Variants in TEX14 observed in about 807,000 individuals in gnomAD.
TEX14 encodes the protein inactive serine/threonine-protein kinase TEX14.
Under a neutral mutation model 178.6 loss-of-function variants are expected in TEX14, and 168 were observed. The observed-to-expected ratio is 0.94, with a 90% CI of 0.83 to 1.07. TEX14 has a LOEUF of 1.07. Among genes scored for constraint, TEX14 ranks in the 50% least tolerant of loss-of-function variants. TEX14 has a pLI of 0.00. For missense variants in TEX14, 1,730 were observed against 1,753.6 expected, an observed-to-expected ratio of 0.99 and a Z score of 0.24; for synonymous variants, 626 against 634.1, an observed-to-expected ratio of 0.99 and a Z score of 0.19.
intron 3 of TEX14, among the ~76,000 whole-genome samples, chr17:58,629,685 A>G (rs2046235403): frequency 6.6e-6 from 1 of 151,190 alleles, no homozygotes; most frequent in African/African-American, 2.4e-5. Flanking sequence ...AATACAAAAA[A>G]TTAGCCCGGC....
rs1389184666 is a variant in TEX14 at position 58,601,519 on chromosome 17, C to CT, written c.1678+286dup. 3.2e-3 allele frequency among the ~76,000 whole-genome samples: 472 copies of CT among 146,588 alleles called. 6 individuals are homozygous for CT. Among genetic ancestry groups the CT allele is most frequent in the African/African-American group, 0.012 (462 of 39,568 alleles). On this transcript the variant is annotated intron_variant, in intron 13 of 31. Coordinates refer to ENST00000349033, the MANE Select transcript of TEX14 (RefSeq NM_031272.5). Reference sequence around the variant, plus strand: ...CCTGGGCAACAGAGCAAGATTCCATCTCAAAAAAAAAAAAAAAGAAAAAAA... The same window carrying CT: ...CCTGGGCAACAGAGCAAGATTCCATCTTCAAAAAAAAAAAAAAAGAAAAAAA...
At chr17:58,652,057 A>G (rs2046850308) in intron 1 of TEX14, 55 bp from the exon 2 acceptor site, 6 of 1,413,742 alleles carry the variant, frequency 4.2e-6, no homozygotes, top group Non-Finnish European at 3.8e-6. Context: ...ATGCAAGGAA[A>G]CAACTTAATT....
At chr17:58,678,056 A>G (rs1424761214) in intron 1 of TEX14, among the ~76,000 whole-genome samples, 2 of 152,206 alleles carry the variant, frequency 1.3e-5, no homozygotes, top group African/African-American at 4.8e-5. Context: ...AGGCTGAGGC[A>G]GGAGAATTGC....
Position 58,571,909 on chromosome 17 carries a change from T to A in TEX14, c.3717+12A>T, listed in dbSNP as rs781001403. On this transcript the variant is annotated intron_variant, in intron 24 of 31. Transcript: ENST00000349033. ...ACTCCATGAGTTTGTAACGTGGAAT[T>A]GATATACTTACAAGACCAGTCAGTC... 5 of 1,611,720 alleles carry A rather than the reference T, an allele frequency of 3.1e-6. No individual in the cohort carries two copies. The highest frequency in any genetic ancestry group is 4.2e-6 in the Non-Finnish European group (5 of 1,178,368).
At chr17:58,601,629 G>A (rs1479357073) in intron 13 of TEX14, among the ~76,000 whole-genome samples, 177 bp downstream of exon 13, 1 of 152,186 alleles carries the variant, frequency 6.6e-6, no homozygotes, top group Non-Finnish European at 1.5e-5. Flanking sequence ...AGGAAGTGGA[G>A]GTTGCAGTGA....
chr17:58,602,627 A>C, intron 11 of TEX14, 37 bp from the exon 12 acceptor site: 1 of 1,562,938 alleles, frequency 6.4e-7, no homozygotes, highest in African/African-American at 1.4e-5. Flanking sequence ...GTAAATTAGG[A>C]AACCAAAGAG....
chr17:58,687,683 A>G (rs1248844068), intron 1 of TEX14, among the ~76,000 whole-genome samples: 2 of 152,052 alleles, frequency 1.3e-5, no homozygotes, highest in Non-Finnish European at 2.9e-5. Context: ...AAAAAAATAA[A>G]CTTCTCCCCA....
intron 20 of TEX14, among the ~76,000 whole-genome samples, chr17:58,579,103 A>G (rs1049911355): frequency 6.6e-6 from 1 of 152,248 alleles, no homozygotes; most frequent in African/African-American, 2.4e-5. Flanking sequence ...CTTCTCATCT[A>G]AAAGAAAGCC....
At chr17:58,631,110 C>T (rs1555575319) in intron 2 of TEX14, 2 of 968,508 alleles carry the variant, frequency 2.1e-6, no homozygotes, top group Non-Finnish European at 2.5e-6. Flanking sequence ...CCTTACCTAC[C>T]AAGAAAAAAA....
At chr17:58,630,583 A>C in intron 2 of TEX14, 29 bp from the exon 3 acceptor site, 2 of 1,522,732 alleles carry the variant, frequency 1.3e-6, no homozygotes, top group African/African-American at 1.4e-5. Context: ...AATCAATGCA[A>C]ATATCAGAAA....
At chr17:58,584,177 T>C (rs992858073) in intron 19 of TEX14, among the ~76,000 whole-genome samples, 1 of 152,180 alleles carries the variant, frequency 6.6e-6, no homozygotes, top group Non-Finnish European at 1.5e-5. Context: ...CTAACTGACC[T>C]CAGTCGCCTG....
intron 2 of TEX14, among the ~76,000 whole-genome samples, chr17:58,640,595 T>C (rs2611782): frequency 0.64 from 96,328 of 151,276 alleles, 31,034 homozygotes; most frequent in African/African-American, 0.71. Flanking sequence ...CCTACTCACA[T>C]GCAGAGCTTA....
At position 58,561,594 on chromosome 17, in the gene TEX14, A is replaced by G. The variant is rs1317695411; in HGVS notation, c.4083T>C (p.Asp1361=). Residue 1361 remains aspartate, a synonymous_variant, in exon 29 of 32, where the codon GAT becomes GAC. Transcript: ENST00000349033. ...EDTERAHSTL[D]EDLERWLQPP... ...GCTGCAGCCATCTTTCCAGGTCCTC[A>G]TCCAGAGTAGAGTGAGCTCTGTTTA... 6.2e-7 allele frequency: 1 copy of G among 1,613,608 alleles called. No homozygotes were observed. Among genetic ancestry groups the G allele is most frequent in the Admixed American group, 1.7e-5 (1 of 60,014 alleles).
intron 15 of TEX14, among the ~76,000 whole-genome samples, chr17:58,592,282 T>C (rs2045165900): frequency 6.6e-6 from 1 of 151,562 alleles, no homozygotes; most frequent in African/African-American, 2.4e-5. Context: ...AAGGCTGGAG[T>C]GCAGTGGTGC....
At chr17:58,572,756 T>G (rs1294869763) in intron 23 of TEX14, among the ~76,000 whole-genome samples, 1 of 152,142 alleles carries the variant, frequency 6.6e-6, no homozygotes, top group South Asian at 2.1e-4. Context: ...TAAACGGTGA[T>G]TTTTTAAACC....
At chr17:58,583,825 T>A (rs143007881) in intron 19 of TEX14, among the ~76,000 whole-genome samples, 1 of 152,348 alleles carries the variant, frequency 6.6e-6, no homozygotes, top group African/African-American at 2.4e-5. Context: ...TCATATGCCA[T>A]GATTAAATAC....
chr17:58,581,065 C>T (rs2044800861), intron 19 of TEX14, among the ~76,000 whole-genome samples: 1 of 152,170 alleles, frequency 6.6e-6, no homozygotes, highest in Admixed American at 6.5e-5. Context: ...GTAATCCCAG[C>T]ATTTTGGGAG....
intron 2 of TEX14, among the ~76,000 whole-genome samples, chr17:58,642,621 G>A (rs980448881): frequency 4.0e-4 from 60 of 151,510 alleles, no homozygotes; most frequent in African/African-American, 1.3e-3. Context: ...TCTGCCTCCC[G>A]GGTTCAAGTG....
intron 1 of TEX14, chr17:58,679,717 A>C (rs1377097680): frequency 6.6e-6 from 1 of 152,046 alleles, no homozygotes; most frequent in Non-Finnish European, 1.5e-5. Flanking sequence ...CTGAGAGTTC[A>C]CCCTTAGATT....
Sources: allele counts gnomAD v4.1 joint callset (sites outside exome capture counted in the v4.1 genomes callset), GRCh38; gene constraint gnomAD v4.1.1; transcripts MANE v1.5; gene names NCBI Gene and HGNC (gene_info 2026-07-23, HGNC 2026-07-21).